WDR89: variants seen among roughly 807,000 people sequenced by gnomAD.
The protein encoded by WDR89 is WD repeat domain 89.
WDR89 carries 17 observed loss-of-function variants against 29.1 expected under a neutral mutation model. The observed-to-expected ratio is 0.58, with a 90% CI of 0.40 to 0.88. WDR89 has a LOEUF of 0.88. Ranked by LOEUF, WDR89 falls within the 40% of genes least tolerant of loss-of-function variation. The pLI, the probability that WDR89 is intolerant of heterozygous loss-of-function variation, is 0.00. For missense variants in WDR89, 396 were observed against 456.3 expected (o/e 0.87, Z 1.20); for synonymous variants, 138 against 157.8 (o/e 0.87, Z 0.94).
chr14:63,601,436 ACATG>A, intron 2 of WDR89: 2 of 924,890 alleles, frequency 2.2e-6, no homozygotes, highest in East Asian at 5.1e-5. Flanking sequence ...GGCCAGAAAA[ACATG>A]CATGCCTAGT....
At position 63,599,931 on chromosome 14, in the gene WDR89, A is replaced by G. The variant is rs200143998; in HGVS notation, c.12T>C (p.Ile4=). 8.1e-6 allele frequency: 13 copies of G among 1,596,116 alleles called. No homozygotes were observed. Among genetic ancestry groups the G allele is most frequent in the Middle Eastern group, 1.7e-4 (1 of 5,982 alleles). Residue 4 remains isoleucine, a synonymous_variant, in exon 3 of 3, where the codon ATT becomes ATC. Coordinates refer to ENST00000620954, the MANE Select transcript of WDR89 (RefSeq NM_080666.4). MEK[I]EEQFANLHIV... is the part of the protein sequence containing the mutation. ...TGTGCAGATTAGCAAATTGTTCCTC[A>G]ATCTTTTCCATGTCAACAGCAGCAT...
At chr14:63,622,529 C>G (rs1438080924) in intron 2 of WDR89, among the ~76,000 whole-genome samples, 2 of 151,914 alleles carry the variant, frequency 1.3e-5, no homozygotes, top group Non-Finnish European at 2.9e-5. Context: ...TGCAGTGAGC[C>G]GAGACCATGC....
intron 2 of WDR89, among the ~76,000 whole-genome samples, chr14:63,608,652 C>G (rs1424031252): frequency 6.9e-6 from 1 of 145,660 alleles, no homozygotes; most frequent in Non-Finnish European, 1.5e-5. Context: ...CAAAAACCAG[C>G]CAGTGTGGTG....
At chr14:63,605,735 C>T (rs1432689613) in intron 2 of WDR89, among the ~76,000 whole-genome samples, 1 of 152,324 alleles carries the variant, frequency 6.6e-6, no homozygotes, top group East Asian at 1.9e-4. Flanking sequence ...GCTGGGATTA[C>T]AGGCATGAGC....
rs1182705334 is a variant in WDR89, at chr14:63,627,152, T to TCA, written c.-137-2120_-137-2119insTG. ...CACACACACACACACACACACACACTCTCTCTCTCTCTCTCTCTCTCTCTC... is the reference window on the plus strand; with the variant it reads ...CACACACACACACACACACACACACTCACTCTCTCTCTCTCTCTCTCTCTCTC... On this transcript the variant is annotated intron_variant, in intron 1 of 2. Transcript: ENST00000620954. Among the ~76,000 whole-genome samples the TCA allele has an allele frequency of 1.2e-3, 69 of 57,652 alleles. No homozygotes were observed. In the South Asian group the frequency reaches 0.025, roughly 21 times the overall value. 37.8% of individuals were successfully genotyped at this position (57,652 alleles called of 152,430 possible).
intron 2 of WDR89, among the ~76,000 whole-genome samples, chr14:63,620,004 CAA>C (rs71120271): frequency 1.4e-5 from 1 of 72,462 alleles, no homozygotes; most frequent in Admixed American, 1.6e-4. Flanking sequence ...GACTCCATCT[CAA>C]AAAAAAAAAA....
At chr14:63,612,714 C>T (rs944046396) in intron 2 of WDR89, among the ~76,000 whole-genome samples, 2 of 152,018 alleles carry the variant, frequency 1.3e-5, no homozygotes, top group Admixed American at 6.6e-5. Flanking sequence ...CACGAATACT[C>T]CCAAATTTGG....
At chr14:63,640,626 C>T (rs1031007264) in intron 1 of WDR89, among the ~76,000 whole-genome samples, 1 of 150,426 alleles carries the variant, frequency 6.6e-6, no homozygotes, top group African/African-American at 2.4e-5. Flanking sequence ...GTAGCTGGGA[C>T]TACAGGCGCC....
At chr14:63,619,477 A>G (rs1328665120) in intron 2 of WDR89, among the ~76,000 whole-genome samples, 1 of 152,190 alleles carries the variant, frequency 6.6e-6, no homozygotes, top group Non-Finnish European at 1.5e-5. Context: ...AATGAGGCAA[A>G]AAACAGAAAA....
intron 2 of WDR89, among the ~76,000 whole-genome samples, chr14:63,617,776 C>T (rs1014792902): frequency 1.3e-5 from 2 of 152,104 alleles, no homozygotes; most frequent in Non-Finnish European, 2.9e-5. Flanking sequence ...TGAGCCACTG[C>T]GCCTGGCCTA....
At chr14:63,628,344 A>C (rs1316227662) in intron 1 of WDR89, among the ~76,000 whole-genome samples, 1 of 152,244 alleles carries the variant, frequency 6.6e-6, no homozygotes, top group Non-Finnish European at 1.5e-5. Context: ...AAATGCTGTA[A>C]TTTTGTTCTA....
At chr14:63,631,316 TTTTC>T (rs1883384525) in intron 1 of WDR89, among the ~76,000 whole-genome samples, 1 of 152,158 alleles carries the variant, frequency 6.6e-6, no homozygotes, top group Non-Finnish European at 1.5e-5. Flanking sequence ...AATATTTTTC[TTTTC>T]TTTCTTTTTG....
intron 1 of WDR89, among the ~76,000 whole-genome samples, chr14:63,636,390 T>C (rs575149923): frequency 2.0e-4 from 31 of 152,148 alleles, no homozygotes; most frequent in Non-Finnish European, 3.7e-4. Flanking sequence ...ACCACGATCA[T>C]TCTTCACAGA....
At chr14:63,618,006 T>C (rs1489827685) in intron 2 of WDR89, 1 of 152,200 alleles carries the variant, frequency 6.6e-6, no homozygotes, top group Non-Finnish European at 1.5e-5. Context: ...TAGGTGGTGA[T>C]TATGCTCAGA....
intron 2 of WDR89, among the ~76,000 whole-genome samples, chr14:63,618,499 G>T (rs1882460416): frequency 6.6e-6 from 1 of 151,968 alleles, no homozygotes; most frequent in Non-Finnish European, 1.5e-5. Context: ...CAACAGGAAA[G>T]AATTCTTGGA....
chr14:63,640,321 C>T (rs897464882), intron 1 of WDR89, among the ~76,000 whole-genome samples: 1 of 152,158 alleles, frequency 6.6e-6, no homozygotes, highest in Non-Finnish European at 1.5e-5. Flanking sequence ...ATCCTCAGAA[C>T]TCTAAGTAGT....
chr14:63,599,478 T>C lies in WDR89; in HGVS notation c.465A>G (p.Leu155=), dbSNP rs200636140. The C allele has an allele frequency of 6.8e-6, 11 of 1,614,122 alleles. No individual in the cohort carries two copies. Among genetic ancestry groups the C allele is most frequent in the East Asian group, 4.5e-5 (2 of 44,894 alleles). Residue 155 remains leucine, a synonymous_variant, in exon 3 of 3, where the codon TTA becomes TTG. Transcript: ENST00000620954. ...CACCAAGTGAGTCTTTAGTTGTAGATAAATTCTGAGAATTCATCCTTGCAT... is the reference window on the plus strand; with the variant it reads ...CACCAAGTGAGTCTTTAGTTGTAGACAAATTCTGAGAATTCATCCTTGCAT... ...FWDARMNSQN[L]STTKDSLGAY...
chr14:63,605,711 C>T (rs979363791), intron 2 of WDR89, among the ~76,000 whole-genome samples: 6 of 152,152 alleles, frequency 3.9e-5, no homozygotes, highest in African/African-American at 1.4e-4. Flanking sequence ...CCACACACCT[C>T]GGTCTCCCAA....
intron 2 of WDR89, among the ~76,000 whole-genome samples, chr14:63,623,525 G>A (rs868140985): frequency 6.6e-6 from 1 of 151,702 alleles, no homozygotes; most frequent in Admixed American, 6.6e-5. Context: ...CCAACGTGGT[G>A]AAACCCTGTC....
Sources: gnomAD v4.1 joint callset for allele counts (sites outside exome capture counted in the v4.1 genomes callset) on GRCh38, gnomAD v4.1.1 for gene constraint, MANE v1.5 for transcripts, NCBI Gene and HGNC (gene_info 2026-07-23, HGNC 2026-07-21) for gene names.